The following POFUT3 variants were observed in gnomAD, a reference collection of about 807,000 sequenced individuals.
POFUT3 encodes protein O-fucosyltransferase 3, also known as GDP-fucose protein O-fucosyltransferase 3.
chr8:33,460,731 G>A, the POFUT3 span: 16 of 985,158 alleles, frequency 1.6e-5, no homozygotes, highest in Non-Finnish European at 1.9e-5. Flanking sequence ...CAATGACTTT[G>A]TTTCTGCCTG....
At chr8:33,408,433 T>C in the POFUT3 span, among the ~76,000 whole-genome samples, 1 of 151,756 alleles carries the variant, frequency 6.6e-6, no homozygotes, top group South Asian at 2.1e-4. Context: ...CACTGAAAAA[T>C]CTCATATCAA....
At chr8:33,343,107 T>C in the POFUT3 span, among the ~76,000 whole-genome samples, 1 of 137,920 alleles carries the variant, frequency 7.3e-6, no homozygotes, top group Non-Finnish European at 1.6e-5. Context: ...CAAGACTCCG[T>C]CTAAGAAAAA....
At chr8:33,310,522 C>A in the POFUT3 span, among the ~76,000 whole-genome samples, 1 of 151,902 alleles carries the variant, frequency 6.6e-6, no homozygotes, top group Non-Finnish European at 1.5e-5. Flanking sequence ...CCAGCTATGG[C>A]CAACATGGCA....
the POFUT3 span, among the ~76,000 whole-genome samples, chr8:33,459,376 C>G: frequency 1.3e-5 from 2 of 151,876 alleles, no homozygotes; most frequent in African/African-American, 2.4e-5. Flanking sequence ...CGCAGTGGCT[C>G]ACACCTGCAA....
the POFUT3 span, among the ~76,000 whole-genome samples, chr8:33,381,443 C>T: frequency 6.6e-6 from 1 of 152,162 alleles, no homozygotes; most frequent in African/African-American, 2.4e-5. Flanking sequence ...GTACATCTGT[C>T]TTTGAACAAC....
chr8:33,407,519 T>C, the POFUT3 span, among the ~76,000 whole-genome samples: 799 of 152,220 alleles, frequency 5.2e-3, 5 homozygotes, highest in Non-Finnish European at 7.6e-3. Flanking sequence ...TTTTGGAAGG[T>C]AGAAAAGTAA....
At chr8:33,314,714 T>C in the POFUT3 span, among the ~76,000 whole-genome samples, 1 of 152,176 alleles carries the variant, frequency 6.6e-6, no homozygotes. Context: ...CTGTTTTTCG[T>C]AGGAAAAACG....
chr8:33,460,903 A>G, the POFUT3 span: 1 of 201,096 alleles, frequency 5.0e-6, no homozygotes, highest in African/African-American at 2.4e-5. Flanking sequence ...CTGTAATCCT[A>G]GCACTTTGGA....
the POFUT3 span, among the ~76,000 whole-genome samples, chr8:33,356,229 T>A: frequency 9.3e-4 from 142 of 152,326 alleles, no homozygotes; most frequent in African/African-American, 3.2e-3. Flanking sequence ...TAGTTCTAGA[T>A]CCCTGAGGAA....
chr8:33,341,619 G>T, the POFUT3 span, among the ~76,000 whole-genome samples: 2 of 151,968 alleles, frequency 1.3e-5, no homozygotes, highest in Non-Finnish European at 2.9e-5. Flanking sequence ...TACATTAAAG[G>T]TGGGGGAAAG....
the POFUT3 span, among the ~76,000 whole-genome samples, chr8:33,325,955 T>G: frequency 9.9e-5 from 15 of 152,248 alleles, 1 homozygote; most frequent in African/African-American, 3.1e-4. Flanking sequence ...AATGCACGGT[T>G]TGGTGCAGTT....
At chr8:33,395,379 G>C in the POFUT3 span, among the ~76,000 whole-genome samples, 1 of 152,140 alleles carries the variant, frequency 6.6e-6, no homozygotes, top group African/African-American at 2.4e-5. Context: ...AGAAGAGGCA[G>C]CTGGACATCA....
chr8:33,451,299 G>T, the POFUT3 span, among the ~76,000 whole-genome samples: 2 of 151,880 alleles, frequency 1.3e-5, no homozygotes, highest in African/African-American at 4.8e-5. Flanking sequence ...TTGGATTCGG[G>T]GGCATTTCAG....
the POFUT3 span, among the ~76,000 whole-genome samples, chr8:33,356,446 G>A: frequency 1.3e-5 from 2 of 151,950 alleles, no homozygotes; most frequent in African/African-American, 4.8e-5. Context: ...TTTTTCATGT[G>A]TTTTTTGGCT....
At chr8:33,432,480 G>C in the POFUT3 span, among the ~76,000 whole-genome samples, 1 of 151,816 alleles carries the variant, frequency 6.6e-6, no homozygotes, top group Admixed American at 6.6e-5. Context: ...ATTCCTATTG[G>C]TATGGGTAAG....
At chr8:33,374,985 A>T in the POFUT3 span, among the ~76,000 whole-genome samples, 2 of 151,402 alleles carry the variant, frequency 1.3e-5, no homozygotes, top group African/African-American at 4.9e-5. Context: ...GGTTCCAGTG[A>T]TTCTCCTGCC....
chr8:33,388,793 G>A, the POFUT3 span: 259 of 625,494 alleles, frequency 4.1e-4, no homozygotes, highest in African/African-American at 4.1e-3. Context: ...TAAACTTTAC[G>A]ACAGTCCCAA....
the POFUT3 span, among the ~76,000 whole-genome samples, chr8:33,423,818 T>TAAAAAAAAAA: frequency 8.6e-5 from 6 of 70,146 alleles, no homozygotes; most frequent in Admixed American, 2.4e-4. Flanking sequence ...GCACACCAAG[T>TAAAAAAAAAA]AAAAAAAAAA....
At chr8:33,404,425 T>C in the POFUT3 span, among the ~76,000 whole-genome samples, 3 of 152,040 alleles carry the variant, frequency 2.0e-5, no homozygotes, top group African/African-American at 7.2e-5. Context: ...TGGGATGTGC[T>C]TGGATAGGTG....
Sources: gnomAD v4.1 joint callset for allele counts (sites outside exome capture counted in the v4.1 genomes callset) on GRCh38, gnomAD v4.1.1 for gene constraint, MANE v1.5 for transcripts, NCBI Gene and HGNC (gene_info 2026-07-23, HGNC 2026-07-21) for gene names.